Variants in KANSL1 observed in about 807,000 individuals in gnomAD.
KANSL1 encodes the protein MLL1/MLL complex subunit KANSL1.
A neutral mutation model predicts 103.6 loss-of-function variants in KANSL1; 22 were observed. The ratio of observed to expected loss-of-function variants is 0.21; its 90% CI spans 0.15 to 0.30. KANSL1 has a LOEUF of 0.30. Ranked by LOEUF, KANSL1 falls within the 10% of genes least tolerant of loss-of-function variation. The probability of loss-of-function intolerance (pLI) is 1.00; values close to 1 mark genes in which losing one functional copy is unlikely to be tolerated. For synonymous variants in KANSL1, 600 were observed against 527.6 expected (o/e 1.14, Z -1.88); for missense variants, 1,337 against 1,399.8 (o/e 0.96, Z 0.72).
rs957394251 is a variant in KANSL1, at chr17:46,062,621, G to A, written c.1848+3916C>T. 5.9e-5 allele frequency among the ~76,000 whole-genome samples: 9 copies of A among 151,568 alleles called. No individual in the cohort carries two copies. The South Asian group carries it at 1.0e-3, about 18-fold the overall frequency. On this transcript the variant is annotated intron_variant, in intron 6 of 14. Coordinates refer to ENST00000432791, the MANE Select transcript of KANSL1 (RefSeq NM_015443.4). ...ATCTGCCCCACCTTGGCCTCCCAAA[G>A]TGCTGGGATTACAGGCATGAGCCAC...
chr17:46,193,558 C>T (rs187270294), upstream of KANSL1: 18,445 of 147,408 alleles, frequency 0.13, 38 homozygotes, highest in Middle Eastern at 0.19. Context: ...GCCCGCCGCG[C>T]CGCCCCCGCG....
chr17:46,205,223 T>C (rs2047924385), intron 1 of KANSL1, among the ~76,000 whole-genome samples: 2 of 151,916 alleles, frequency 1.3e-5, no homozygotes, highest in Non-Finnish European at 1.5e-5. Flanking sequence ...CCTAAGAAAA[T>C]CCCACAAATA....
chr17:46,163,368 T>C (rs962110743), intron 2 of KANSL1, among the ~76,000 whole-genome samples: 1 of 152,214 alleles, frequency 6.6e-6, no homozygotes, highest in East Asian at 1.9e-4. Context: ...CCTCACTGTT[T>C]TTTATTTTTT....
rs754675345 is a variant in KANSL1 at position 46,066,562 on chromosome 17, T to C, written c.1823A>G (p.Asn608Ser). 7 of 1,613,466 alleles carry C rather than the reference T, an allele frequency of 4.3e-6. No homozygotes were observed. In the South Asian group the frequency reaches 5.5e-5, roughly 13 times the overall value. Residue 608 changes from asparagine (N) to serine (S), a missense_variant, in exon 6 of 15, where the codon AAC (asparagine) becomes AGC (serine). By Grantham distance (46) the Asn-to-Ser change is conservative. Around this residue, in one of 2 missense-constraint regions of KANSL1, gnomAD observed 780 missense variants for 923.4 expected, o/e 0.84. Coordinates refer to ENST00000432791, the MANE Select transcript of KANSL1 (RefSeq NM_015443.4). ...CTTCTTGGAAAGAGGAACGATGCTG[T>C]TGGGTCGAACAAGCCTCCGCTTCTT... ...SCKKRRLVRP[N>S]SIVPLSKKVH...
intron 7 of KANSL1, chr17:46,045,451 A>ATATATATATATATATATATATATC (rs2077473150): frequency 6.7e-6 from 1 of 148,216 alleles, no homozygotes; most frequent in Admixed American, 6.8e-5. Flanking sequence ...ATATATATAT[A>ATATATATATATATATATATATATC]TCTCCACAGT....
intron 2 of KANSL1, among the ~76,000 whole-genome samples, chr17:46,097,545 C>T (rs1007500771): frequency 6.6e-6 from 1 of 152,202 alleles, no homozygotes; most frequent in Non-Finnish European, 1.5e-5. Flanking sequence ...TTAGCTCTAC[C>T]TATAATGTTT....
chr17:46,200,065 ACC>A (rs1555591968), intron 1 of KANSL1, among the ~76,000 whole-genome samples: 24 of 151,188 alleles, frequency 1.6e-4, no homozygotes, highest in African/African-American at 5.6e-4. Context: ...ACACACACAC[ACC>A]CTGATTATTT....
At position 46,171,712 on chromosome 17, in the gene KANSL1, A is replaced by G; in HGVS notation, c.432T>C (p.Ser144=). The part of the protein sequence containing the change: ...SLENLRTMNT[S]GQTALPQAPV... The stretch of plus-strand genomic sequence containing the variant: ...GTGCTTGTGGCAGAGCTGTCTGACC[A>G]CTCGTATTCATGGTTCTAAGATTTT... Residue 144 remains serine (S), a synonymous_variant, in exon 2 of 15, where the codon AGT becomes AGC. Coordinates refer to ENST00000432791, the MANE Select transcript of KANSL1 (RefSeq NM_015443.4). 1.9e-6 allele frequency: 3 copies of G among 1,561,436 alleles called. No individual in the cohort carries two copies. Among genetic ancestry groups the G allele is most frequent in the Non-Finnish European group, 1.7e-6 (2 of 1,158,168 alleles).
At chr17:46,059,638 AAAAAAAAAAAGAG>A in intron 6 of KANSL1, among the ~76,000 whole-genome samples, 1 of 64,452 alleles carries the variant, frequency 1.6e-5, no homozygotes. Flanking sequence ...CAAAAAAAAA[AAAAAAAAAAAGAG>A]AGAGAGAGAG....
chr17:46,050,731 C>A (rs2077683272), intron 6 of KANSL1, 27 bp from the exon 7 acceptor site: 1 of 1,596,006 alleles, frequency 6.3e-7, no homozygotes, highest in Non-Finnish European at 8.6e-7. Context: ...ACAAAACTGA[C>A]AATTCAGCAT....
intron 1 of KANSL1, among the ~76,000 whole-genome samples, chr17:46,204,511 T>A (rs1359442475): frequency 6.6e-6 from 1 of 152,226 alleles, no homozygotes; most frequent in Non-Finnish European, 1.5e-5. Context: ...CATTCAGTAA[T>A]TAGGCAATTA....
At chr17:46,053,142 G>A (rs1186832338) in intron 6 of KANSL1, among the ~76,000 whole-genome samples, 1 of 151,652 alleles carries the variant, frequency 6.6e-6, no homozygotes, top group African/African-American at 2.4e-5. Flanking sequence ...ACAAAAAACT[G>A]GGCATGGTGG....
chr17:46,154,608 G>A (rs2045314188), intron 2 of KANSL1, among the ~76,000 whole-genome samples: 2 of 152,216 alleles, frequency 1.3e-5, no homozygotes, highest in Non-Finnish European at 2.9e-5. Flanking sequence ...AAAAGAGAGA[G>A]AATGAAGGGA....
At chr17:46,113,821 A>G (rs1219844195) in intron 2 of KANSL1, among the ~76,000 whole-genome samples, 4 of 152,164 alleles carry the variant, frequency 2.6e-5, no homozygotes, top group African/African-American at 9.7e-5. Context: ...TCCTTAGTCA[A>G]TAACATTCAC....
intron 2 of KANSL1, among the ~76,000 whole-genome samples, chr17:46,147,466 C>T (rs1343227712): frequency 2.0e-5 from 3 of 150,270 alleles, no homozygotes; most frequent in Non-Finnish European, 2.9e-5. Context: ...GCCAGCTACT[C>T]GGGAGGCTGA....
intron 1 of KANSL1, among the ~76,000 whole-genome samples, chr17:46,216,976 G>A (rs2048359280): frequency 6.6e-6 from 1 of 152,078 alleles, no homozygotes; most frequent in Non-Finnish European, 1.5e-5. Flanking sequence ...ATGTGGTAGT[G>A]TGCACCTGTA....
intron 2 of KANSL1, among the ~76,000 whole-genome samples, chr17:46,095,160 TAATGATA>T (rs1319189045): frequency 1.3e-5 from 2 of 152,194 alleles, no homozygotes; most frequent in Non-Finnish European, 2.9e-5. Flanking sequence ...CCAACAAAAC[TAATGATA>T]TATTAAATAT....
chr17:46,139,127 C>G (rs1464471428), intron 2 of KANSL1, among the ~76,000 whole-genome samples: 1 of 152,192 alleles, frequency 6.6e-6, no homozygotes, highest in Admixed American at 6.5e-5. Context: ...GCTCTATCCC[C>G]ATAATCTAAA....
At chr17:46,163,233 T>C (rs933346029) in intron 2 of KANSL1, among the ~76,000 whole-genome samples, 2 of 152,260 alleles carry the variant, frequency 1.3e-5, no homozygotes, top group Non-Finnish European at 2.9e-5. Flanking sequence ...TCCCAGCATG[T>C]AGCAGGCATT....
Sources: allele counts gnomAD v4.1 joint callset (sites outside exome capture counted in the v4.1 genomes callset), GRCh38; gene constraint gnomAD v4.1.1; regional missense constraint gnomAD v4.1.1; transcripts MANE v1.5; gene names NCBI Gene and HGNC (gene_info 2026-07-23, HGNC 2026-07-21).